PTPRD: variants seen among roughly 807,000 people sequenced by gnomAD.
PTPRD encodes the protein protein tyrosine phosphatase receptor type D.
PTPRD carries 34 observed loss-of-function variants against 214.5 expected under a neutral mutation model. The observed-to-expected ratio is 0.16, with a 90% confidence interval of 0.12 to 0.21. The LOEUF (loss-of-function observed/expected upper bound fraction) is 0.21, where lower values mean the gene tolerates loss of function less well. Among genes scored for constraint, PTPRD ranks in the 10% least tolerant of loss-of-function variants. PTPRD has a pLI of 1.00. For missense variants in PTPRD, 2,545 were observed against 2,398.7 expected (o/e 1.06, Z -1.27); for synonymous variants, 1,128 against 845.7 (o/e 1.33, Z -5.79).
At chr9:10,412,537 G>A (rs2098446591) in intron 2 of PTPRD, among the ~76,000 whole-genome samples, 1 of 151,306 alleles carries the variant, frequency 6.6e-6, no homozygotes, top group Admixed American at 6.6e-5. Context: ...TTTAAAAATT[G>A]AGGCTGGACA....
chr9:10,482,147 GA>G (rs1376989877), intron 2 of PTPRD, among the ~76,000 whole-genome samples: 3 of 152,090 alleles, frequency 2.0e-5, no homozygotes, highest in Admixed American at 6.6e-5. Flanking sequence ...CCAGGCGGGA[GA>G]ATCACGAGGT....
chr9:8,786,033 T>TTCTGTG lies in PTPRD; in HGVS notation c.-103-52088_-103-52087insCACAGA, dbSNP rs148848994. Among the ~76,000 whole-genome samples the TTCTGTG allele has an allele frequency of 5.4e-3, 773 of 143,320 alleles. 1 individual carries two copies. The highest frequency in any genetic ancestry group is 6.9e-3 in the South Asian group (31 of 4,524). The allele number at this position is 143,320 out of a possible 152,430, so 94.0% of individuals were successfully genotyped here. A position where few individuals can be genotyped will look rare whatever the true frequency, so the allele number is the denominator to read the frequency against. On this transcript the variant is annotated intron_variant, in intron 11 of 45. Coordinates refer to ENST00000381196, the MANE Select transcript of PTPRD (RefSeq NM_002839.4). ...GCAGTCTGAGAAGCCGCTTAATTTG[T>TTCTGTG]TGTGTGTGTGTGTGTGTGTGTGTGT...
intron 3 of PTPRD, among the ~76,000 whole-genome samples, chr9:10,169,697 T>A (rs1403891308): frequency 6.6e-6 from 1 of 152,158 alleles, no homozygotes; most frequent in East Asian, 1.9e-4. Flanking sequence ...CTTCTATAGC[T>A]GCAGGAAATA....
At chr9:8,797,191 C>T (rs535679995) in intron 11 of PTPRD, 1 of 151,948 alleles carries the variant, frequency 6.6e-6, no homozygotes, top group Non-Finnish European at 1.5e-5. Flanking sequence ...GCCAGAAAGC[C>T]CCCCACCATG....
Position 9,474,226 on chromosome 9 carries a change from G to A in PTPRD, c.-236-76744C>T, listed in dbSNP as rs556406752. ...TATTGAAGATTGTCCTTTCCCTAAC[G>A]TATCTTCTTGGTACCTCTATAGAAA... On this transcript the variant is annotated intron_variant, in intron 8 of 45. Transcript: ENST00000381196. Among the ~76,000 whole-genome samples the A allele has an allele frequency of 1.7e-3, 260 of 152,058 alleles. 1 individual carries two copies. In the Middle Eastern group the frequency reaches 0.051, roughly 30 times the overall value.
At chr9:8,569,987 C>G (rs2090607772) in intron 14 of PTPRD, among the ~76,000 whole-genome samples, 1 of 152,088 alleles carries the variant, frequency 6.6e-6, no homozygotes, top group Non-Finnish European at 1.5e-5. Context: ...AGAAAAACCA[C>G]AGTTTCCGTA....
At chr9:10,203,316 A>C (rs1045565243) in intron 3 of PTPRD, among the ~76,000 whole-genome samples, 9 of 151,984 alleles carry the variant, frequency 5.9e-5, no homozygotes, top group African/African-American at 2.2e-4. Flanking sequence ...GCTTAAAATT[A>C]ACTAGTTTTC....
chr9:9,215,918 T>C (rs922780462), intron 9 of PTPRD, among the ~76,000 whole-genome samples: 21 of 152,178 alleles, frequency 1.4e-4, no homozygotes, highest in African/African-American at 5.1e-4. Flanking sequence ...ACAAGTACTG[T>C]ACACTCTGCT....
chr9:8,708,123 G>T (rs149418104), intron 12 of PTPRD, among the ~76,000 whole-genome samples: 1 of 152,188 alleles, frequency 6.6e-6, no homozygotes, highest in Non-Finnish European at 1.5e-5. Flanking sequence ...AATGGATGCC[G>T]TGTATAAAAT....
At chr9:8,460,899 G>C (rs1438860550) in intron 32 of PTPRD, among the ~76,000 whole-genome samples, 1 of 152,006 alleles carries the variant, frequency 6.6e-6, no homozygotes, top group East Asian at 1.9e-4. Flanking sequence ...TAATTAACCA[G>C]TTGCAAAATG....
At chr9:9,197,531 C>T (rs1457929382) in intron 9 of PTPRD, among the ~76,000 whole-genome samples, 1 of 152,216 alleles carries the variant, frequency 6.6e-6, no homozygotes, top group Non-Finnish European at 1.5e-5. Flanking sequence ...CTGCCCCACC[C>T]TCTCGAGTAG....
intron 10 of PTPRD, among the ~76,000 whole-genome samples, chr9:9,068,880 G>A (rs141522692): frequency 4.6e-5 from 7 of 152,198 alleles, no homozygotes; most frequent in African/African-American, 1.7e-4. Flanking sequence ...AAAGTATTTG[G>A]ATTACAGGTG....
At chr9:10,116,364 T>A (rs2098731393) in intron 3 of PTPRD, among the ~76,000 whole-genome samples, 1 of 152,166 alleles carries the variant, frequency 6.6e-6, no homozygotes, top group African/African-American at 2.4e-5. Context: ...CTTAATTGAT[T>A]ATGAATATAG....
intron 11 of PTPRD, among the ~76,000 whole-genome samples, chr9:9,010,669 G>T (rs1441082521): frequency 6.9e-6 from 1 of 144,010 alleles, no homozygotes; most frequent in Non-Finnish European, 1.6e-5. Context: ...AAGCCAAAGT[G>T]TGGAAGTTGC....
At chr9:10,175,803 T>A (rs1167721927) in intron 3 of PTPRD, among the ~76,000 whole-genome samples, 1 of 151,940 alleles carries the variant, frequency 6.6e-6, no homozygotes, top group Non-Finnish European at 1.5e-5. Context: ...TCATAAGTAA[T>A]GTTATACTCA....
At chr9:8,386,659 G>C (rs969075696) in intron 37 of PTPRD, among the ~76,000 whole-genome samples, 4 of 152,128 alleles carry the variant, frequency 2.6e-5, no homozygotes, top group African/African-American at 9.7e-5. Flanking sequence ...CCCAAGGTCA[G>C]CCCACAGAAC....
intron 3 of PTPRD, among the ~76,000 whole-genome samples, chr9:10,258,373 T>A (rs2093442161): frequency 6.6e-6 from 1 of 151,164 alleles, no homozygotes; most frequent in Non-Finnish European, 1.5e-5. Context: ...TGAGAAGGGA[T>A]GAAGGTAGAA....
At chr9:8,594,100 A>C (rs1010004965) in intron 14 of PTPRD, among the ~76,000 whole-genome samples, 17 of 152,298 alleles carry the variant, frequency 1.1e-4, no homozygotes, top group African/African-American at 4.1e-4. Flanking sequence ...AGTAATTTCC[A>C]CTAATTCTAG....
intron 5 of PTPRD, among the ~76,000 whole-genome samples, chr9:9,931,121 G>A (rs1412535163): frequency 6.6e-6 from 1 of 151,692 alleles, no homozygotes. Flanking sequence ...CAATTTAATT[G>A]ACAATTTTCA....
Sources: gnomAD v4.1 joint callset for allele counts (sites outside exome capture counted in the v4.1 genomes callset) on GRCh38, gnomAD v4.1.1 for gene constraint, MANE v1.5 for transcripts, NCBI Gene and HGNC (gene_info 2026-07-23, HGNC 2026-07-21) for gene names.